Variants in FOXP2 observed in about 807,000 individuals in gnomAD.
FOXP2 encodes the protein forkhead box protein P2.
Under a neutral mutation model 115.8 loss-of-function variants are expected in FOXP2, and 12 were observed. The ratio of observed to expected loss-of-function variants is 0.10; its 90% CI spans 0.07 to 0.17. The LOEUF is 0.17. FOXP2 is among the 10% of genes least tolerant of loss of function. FOXP2 has a pLI of 1.00. For missense variants in FOXP2, 629 were observed against 843.5 expected (o/e 0.75, Z 3.15); for synonymous variants, 328 against 297.7 (o/e 1.10, Z -1.05).
At chr7:114,546,890 C>T (rs146802449) in intron 3 of FOXP2, among the ~76,000 whole-genome samples, 242 of 152,306 alleles carry the variant, frequency 1.6e-3, no homozygotes, top group Non-Finnish European at 2.4e-4. Context: ...ATGCTTGACA[C>T]ATGGTAGATG....
intron 3 of FOXP2, among the ~76,000 whole-genome samples, chr7:114,547,762 A>G (rs760080803): frequency 2.6e-5 from 4 of 152,162 alleles, no homozygotes; most frequent in Admixed American, 6.6e-5. Context: ...TCGTCTCAAA[A>G]AAAAAGAAAT....
chr7:114,332,003 G>C lies in FOXP2; in HGVS notation c.-11+43894G>C, dbSNP rs528963821. 5.3e-5 allele frequency among the ~76,000 whole-genome samples: 8 copies of C among 152,098 alleles called. 1 individual carries two copies. The highest frequency in any genetic ancestry group is 5.2e-4 in the Admixed American group (8 of 15,262). ...GTGCAACAAATGACAACTCTGTATT[G>C]ATTAACGAAAAAGCATACCCACTTA... On this transcript the variant is annotated intron_variant, in intron 2 of 17. Coordinates refer to the FOXP2 transcript ENST00000634411.
intron 16 of FOXP2, chr7:114,665,782 A>C (rs1807130532): frequency 6.6e-6 from 1 of 152,158 alleles, no homozygotes; most frequent in Non-Finnish European, 1.5e-5. Context: ...GAGTAGCAGT[A>C]TTCTAAAACA....
At chr7:114,225,181 TG>T (rs2129164754) in intron 1 of FOXP2, among the ~76,000 whole-genome samples, 1 of 152,012 alleles carries the variant, frequency 6.6e-6, no homozygotes, top group African/African-American at 2.4e-5. Flanking sequence ...TATTAAGGGG[TG>T]GGGTATGTTG....
chr7:114,679,807 T>C (rs1000940615), intron 16 of FOXP2, among the ~76,000 whole-genome samples: 2 of 152,186 alleles, frequency 1.3e-5, no homozygotes, highest in Admixed American at 1.3e-4. Flanking sequence ...GATTGAATTG[T>C]CAGAATTTAT....
intron 2 of FOXP2, among the ~76,000 whole-genome samples, chr7:114,471,978 A>G (rs988003992): frequency 2.0e-5 from 3 of 150,974 alleles, no homozygotes; most frequent in East Asian, 1.9e-4. Context: ...AAAAAAAAAA[A>G]GAAAGACTTA....
chr7:114,423,769 A>G (rs1390326507), intron 1 of FOXP2, among the ~76,000 whole-genome samples: 1 of 151,684 alleles, frequency 6.6e-6, no homozygotes, highest in Non-Finnish European at 1.5e-5. Flanking sequence ...TTGGGAAATA[A>G]GTGGAAGTGT....
chr7:114,358,184 C>A (rs995488988), intron 2 of FOXP2, among the ~76,000 whole-genome samples: 4 of 152,132 alleles, frequency 2.6e-5, no homozygotes, highest in African/African-American at 9.7e-5. Flanking sequence ...AGAGCAGCTT[C>A]CCTGAACGCA....
intron 2 of FOXP2, among the ~76,000 whole-genome samples, chr7:114,327,961 C>A (rs1376471979): frequency 6.6e-6 from 1 of 151,602 alleles, no homozygotes; most frequent in Non-Finnish European, 1.5e-5. Flanking sequence ...CACTCTGTCA[C>A]CCAGCTTGGA....
intron 16 of FOXP2, among the ~76,000 whole-genome samples, chr7:114,674,942 A>G (rs1388839945): frequency 6.6e-6 from 1 of 152,124 alleles, no homozygotes. Flanking sequence ...TTTTAAAACT[A>G]TTAATATGAT....
chr7:114,266,428 C>A (rs1438776173), intron 1 of FOXP2, among the ~76,000 whole-genome samples: 3 of 152,186 alleles, frequency 2.0e-5, no homozygotes, highest in Non-Finnish European at 4.4e-5. Context: ...ATCTCCTCAG[C>A]TTCTGGGAGG....
At chr7:114,533,196 G>A (rs1048953577) in intron 2 of FOXP2, among the ~76,000 whole-genome samples, 29 of 151,972 alleles carry the variant, frequency 1.9e-4, no homozygotes, top group African/African-American at 6.3e-4. Context: ...TCCTGCTATC[G>A]GAAGACAAAT....
chr7:114,641,009 TC>T (rs1389453180), intron 6 of FOXP2, among the ~76,000 whole-genome samples: 2 of 152,190 alleles, frequency 1.3e-5, no homozygotes, highest in Non-Finnish European at 2.9e-5. Context: ...CTTCATTTTT[TC>T]CTGTACTTAT....
chr7:114,532,234 T>C (rs891707564), intron 2 of FOXP2, among the ~76,000 whole-genome samples: 1 of 151,906 alleles, frequency 6.6e-6, no homozygotes, highest in African/African-American at 2.4e-5. Context: ...GAAATCCGAG[T>C]TAAGGATGAT....
chr7:114,234,245 G>A (rs866221473), intron 1 of FOXP2, among the ~76,000 whole-genome samples: 6 of 152,172 alleles, frequency 3.9e-5, no homozygotes, highest in African/African-American at 1.2e-4. Flanking sequence ...TGGGTAAAAG[G>A]CTCCTCCTCT....
intron 2 of FOXP2, among the ~76,000 whole-genome samples, chr7:114,438,361 A>T (rs2129210957): frequency 6.6e-6 from 1 of 152,278 alleles, no homozygotes; most frequent in Non-Finnish European, 1.5e-5. Context: ...GCCTCTTGGA[A>T]AGCACTGATA....
At chr7:114,386,034 C>T (rs1446286594) in intron 2 of FOXP2, among the ~76,000 whole-genome samples, 1 of 152,206 alleles carries the variant, frequency 6.6e-6, no homozygotes, top group Non-Finnish European at 1.5e-5. Flanking sequence ...AGGCACTTAA[C>T]GTTGCAGGAA....
intron 2 of FOXP2, among the ~76,000 whole-genome samples, chr7:114,288,834 A>G (rs964316050): frequency 6.6e-6 from 1 of 151,802 alleles, no homozygotes; most frequent in Non-Finnish European, 1.5e-5. Context: ...GAAACCTAAA[A>G]GCAATTTTAG....
At chr7:114,310,234 G>C (rs578118034) in intron 2 of FOXP2, among the ~76,000 whole-genome samples, 1 of 152,314 alleles carries the variant, frequency 6.6e-6, no homozygotes, top group East Asian at 1.9e-4. Flanking sequence ...AATTGAGTTA[G>C]CAGCTTTACC....
Sources: allele counts gnomAD v4.1 joint callset (sites outside exome capture counted in the v4.1 genomes callset), GRCh38; gene constraint gnomAD v4.1.1; transcripts MANE v1.5; gene names NCBI Gene and HGNC (gene_info 2026-07-23, HGNC 2026-07-21).